Variants in GRIN2B observed in about 807,000 individuals in gnomAD.
The protein encoded by GRIN2B is glutamate receptor ionotropic, NMDA 2B.
Under a neutral mutation model 114.5 loss-of-function variants are expected in GRIN2B, and 5 were observed. The observed-to-expected ratio is 0.04, with a 90% CI of 0.02 to 0.09. The LOEUF is 0.09. Among genes scored for constraint, GRIN2B ranks in the 10% least tolerant of loss-of-function variants. GRIN2B has a pLI of 1.00. For synonymous variants in GRIN2B, 787 were observed against 745.1 expected, an observed-to-expected ratio of 1.06 and a Z score of -0.92; for missense variants, 1,108 against 1,943.5, an observed-to-expected ratio of 0.57 and a Z score of 8.08.
At position 13,874,639 on chromosome 12, in the gene GRIN2B, C is replaced by T. The variant is rs533842266; in HGVS notation, c.-18-8413G>A. ...TTTTGAAACCTGATTCTGATTATTA[C>T]CATTTGGCAGCAGATTAGGGCAATT... On this transcript the variant is annotated intron_variant, in intron 2 of 13. Transcript: ENST00000609686. Among the ~76,000 whole-genome samples the T allele has an allele frequency of 1.1e-3, 169 of 152,242 alleles. 1 individual carries two copies. Among genetic ancestry groups the T allele is most frequent in the Admixed American group, 4.3e-3 (65 of 15,292 alleles).
intron 4 of GRIN2B, among the ~76,000 whole-genome samples, chr12:13,737,236 G>A (rs1863201528): frequency 6.6e-6 from 1 of 150,954 alleles, no homozygotes; most frequent in South Asian, 2.1e-4. Flanking sequence ...TTTTGAGATG[G>A]AGTCTCTCTC....
chr12:13,767,386 C>T (rs897905742), intron 3 of GRIN2B, among the ~76,000 whole-genome samples: 6 of 151,752 alleles, frequency 4.0e-5, no homozygotes, highest in Non-Finnish European at 7.4e-5. Context: ...GTTCTCAAAA[C>T]TGCCTCCATG....
At chr12:13,798,321 A>G (rs1051055227) in intron 3 of GRIN2B, among the ~76,000 whole-genome samples, 1 of 152,298 alleles carries the variant, frequency 6.6e-6, no homozygotes, top group Non-Finnish European at 1.5e-5. Flanking sequence ...CAGTGTTGCA[A>G]TGCATCATAC....
chr12:13,620,865 TA>T (rs201122464), intron 5 of GRIN2B, among the ~76,000 whole-genome samples: 3 of 133,488 alleles, frequency 2.2e-5, no homozygotes, highest in Admixed American at 1.6e-4. Flanking sequence ...TTAAAGTCGT[TA>T]TTTTTTTTTT....
chr12:13,807,621 C>T (rs1484521550), intron 3 of GRIN2B, among the ~76,000 whole-genome samples: 1 of 149,658 alleles, frequency 6.7e-6, no homozygotes, highest in Non-Finnish European at 1.5e-5. Flanking sequence ...TTAATCTTGT[C>T]ATTTAGCGTC....
chr12:13,572,792 C>A lies in GRIN2B; in HGVS notation c.2011-828G>T, dbSNP rs138949826. Among the ~76,000 whole-genome samples, 1,158 of 152,278 alleles carry A rather than the reference C, an allele frequency of 7.6e-3. 17 individuals carry two copies. Among genetic ancestry groups the A allele is most frequent in the African/African-American group, 0.026 (1,065 of 41,540 alleles). The stretch of plus-strand genomic sequence containing the variant: ...GTGCCAACTCATCTGTCTCTCTAGG[C>A]CAATTTATATCCGTTTCAAAATAAA... On this transcript the variant is annotated intron_variant, in intron 10 of 13. Transcript: ENST00000609686.
At chr12:13,956,547 G>C (rs1333495740) in intron 2 of GRIN2B, among the ~76,000 whole-genome samples, 2 of 152,118 alleles carry the variant, frequency 1.3e-5, no homozygotes, top group South Asian at 2.1e-4. Flanking sequence ...GAAAACAAGC[G>C]CCTTTTTCTC....
intron 3 of GRIN2B, among the ~76,000 whole-genome samples, chr12:13,838,581 C>T (rs566533063): frequency 1.1e-4 from 16 of 152,176 alleles, no homozygotes; most frequent in Non-Finnish European, 1.9e-4. Flanking sequence ...CTCTTCCTGT[C>T]TGTCTTTTCT....
Position 13,567,261 on chromosome 12 carries a change from C to T in GRIN2B, c.2362G>A (p.Glu788Lys). ...LAILQLFGDG[E>K]MEELEALWLT... ...CAGAGAGCTTCCAGTTCTTCCATCT[C>T]CCCTGGGGAAAGGACAGAGAAGGAA... is the stretch of plus-strand genomic sequence containing the variant. The change falls in exon 13 of 14, where the codon GAG (glutamate) becomes AAG (lysine). Residue 788 changes from glutamate to lysine, a missense_variant and splice_region_variant. Glu to Lys is a moderately conservative substitution (Grantham distance 56). This residue lies in a region of GRIN2B where 35 missense variants were observed against 194.7 expected (regional missense o/e 0.18). Transcript: ENST00000609686. The T allele has an allele frequency of 1.2e-6, 2 of 1,610,024 alleles. No homozygotes were observed. The highest frequency in any genetic ancestry group is 1.7e-6 in the Non-Finnish European group (2 of 1,176,506).
chr12:13,567,013 CAA>C lies in GRIN2B; in HGVS notation c.2598+10_2598+11del, dbSNP rs748840089. 6.3e-7 allele frequency: 1 copy of C among 1,590,286 alleles called. No individual in the cohort carries two copies. On this transcript the variant is annotated intron_variant, in intron 13 of 13. Coordinates refer to ENST00000609686, the MANE Select transcript of GRIN2B (RefSeq NM_000834.5). Reference sequence around the variant, plus strand: ...CCTAACAAGCTTTAGGCATTTAAATCAAAACACTTACTCTGCTGATGGAGAAG... The same window carrying C: ...CCTAACAAGCTTTAGGCATTTAAATCAACACTTACTCTGCTGATGGAGAAG...
At chr12:13,596,051 C>T (rs574631389) in intron 10 of GRIN2B, among the ~76,000 whole-genome samples, 34 of 152,078 alleles carry the variant, frequency 2.2e-4, no homozygotes, top group African/African-American at 5.1e-4. Flanking sequence ...AGGCTCACTT[C>T]CCAGAGGTTC....
chr12:13,729,403 C>T (rs969344934), intron 4 of GRIN2B, among the ~76,000 whole-genome samples: 2 of 152,118 alleles, frequency 1.3e-5, no homozygotes, highest in Admixed American at 1.3e-4. Flanking sequence ...TTTTATGTAG[C>T]TCTCTGTCTG....
At chr12:13,794,356 G>A (rs918179064) in intron 3 of GRIN2B, among the ~76,000 whole-genome samples, 1 of 152,196 alleles carries the variant, frequency 6.6e-6, no homozygotes, top group African/African-American at 2.4e-5. Flanking sequence ...CCTATGGCAA[G>A]ATGCCAGTAT....
chr12:13,853,580 CT>C (rs1408491849), intron 3 of GRIN2B, among the ~76,000 whole-genome samples: 1 of 152,190 alleles, frequency 6.6e-6, no homozygotes, highest in Non-Finnish European at 1.5e-5. Flanking sequence ...GATGGCACCC[CT>C]AACCTGAAGC....
intron 9 of GRIN2B, among the ~76,000 whole-genome samples, 153 bp from the exon 10 acceptor site, chr12:13,608,985 G>C (rs919508659): frequency 6.6e-6 from 1 of 150,980 alleles, no homozygotes; most frequent in African/African-American, 2.4e-5. Flanking sequence ...TTGAGAGTGT[G>C]TATCTCTCTT....
chr12:13,915,366 T>C (rs1866698260), intron 2 of GRIN2B, among the ~76,000 whole-genome samples: 1 of 152,204 alleles, frequency 6.6e-6, no homozygotes, highest in Non-Finnish European at 1.5e-5. Context: ...ACCTGCTAGT[T>C]GTACCCATGG....
rs1591609790 is a variant in GRIN2B at position 13,568,095 on chromosome 12, A to G, written c.2360-832T>C. Among the ~76,000 whole-genome samples, 3 of 152,222 alleles carry G rather than the reference A, an allele frequency of 2.0e-5. No individual in the cohort carries two copies. In the South Asian group the frequency reaches 6.2e-4, roughly 32 times the overall value. On this transcript the variant is annotated intron_variant, in intron 12 of 13. Transcript: ENST00000609686. ...GCAAAGAGGAGTAAGCTTGGATAAA[A>G]TAAGACCCCCAAATTCAGACTTGCC...
At chr12:13,745,726 G>A (rs958242687) in intron 4 of GRIN2B, among the ~76,000 whole-genome samples, 1 of 152,208 alleles carries the variant, frequency 6.6e-6, no homozygotes, top group African/African-American at 2.4e-5. Context: ...TGATGCTAAG[G>A]AAAGCTGAGC....
At position 13,783,048 on chromosome 12, in the gene GRIN2B, T is replaced by C. The variant is rs540659386; in HGVS notation, c.412-29133A>G. On this transcript the variant is annotated intron_variant, in intron 3 of 13. Transcript: ENST00000609686. Reference sequence around the variant, plus strand: ...ACTTTCCAAAGACTGGGAAATGTTTTAAATGTTAGTATTAAAAAACTATAA... The same window carrying C: ...ACTTTCCAAAGACTGGGAAATGTTTCAAATGTTAGTATTAAAAAACTATAA... 5.3e-5 allele frequency among the ~76,000 whole-genome samples: 8 copies of C among 152,320 alleles called. No individual in the cohort carries two copies. The South Asian group carries it at 1.7e-3, about 32-fold the overall frequency.
Sources: gnomAD v4.1 joint callset for allele counts (sites outside exome capture counted in the v4.1 genomes callset) on GRCh38, gnomAD v4.1.1 for gene constraint, gnomAD v4.1.1 regional missense constraint, MANE v1.5 for transcripts, NCBI Gene and HGNC (gene_info 2026-07-23, HGNC 2026-07-21) for gene names.